The following NCOA1 variants were observed in gnomAD, a reference collection of about 807,000 sequenced individuals.
NCOA1 encodes nuclear receptor coactivator 1.
In NCOA1, 35 loss-of-function variants were observed where a neutral mutation model predicts 150.9. That is an observed-to-expected ratio of 0.23 (90% confidence interval 0.18 to 0.31). The LOEUF is 0.31. Among genes scored for constraint, NCOA1 ranks in the 10% least tolerant of loss-of-function variants. The pLI, the probability that NCOA1 is intolerant of heterozygous loss-of-function variation, is 1.00. For synonymous variants in NCOA1, 590 were observed against 630.0 expected (o/e 0.94, Z 0.95); for missense variants, 1,491 against 1,749.3 (o/e 0.85, Z 2.63).
intron 1 of NCOA1, among the ~76,000 whole-genome samples, chr2:24,511,640 G>T (rs2148108985): frequency 6.6e-6 from 1 of 151,498 alleles, no homozygotes; most frequent in East Asian, 1.9e-4. Context: ...TCAGATATAT[G>T]ATTTGCAAAT....
chr2:24,734,632 C>A (rs74717301), intron 17 of NCOA1, among the ~76,000 whole-genome samples: 10,723 of 151,676 alleles, frequency 0.071, 508 homozygotes, highest in East Asian at 0.12. Context: ...CTGTCTCTAC[C>A]AAAAATAAAA....
At chr2:24,531,874 G>A (rs1197312729) in intron 1 of NCOA1, among the ~76,000 whole-genome samples, 1 of 152,140 alleles carries the variant, frequency 6.6e-6, no homozygotes, top group Non-Finnish European at 1.5e-5. Flanking sequence ...CATTCGGGTT[G>A]GTTCCAAGTC....
At chr2:24,568,413 C>G (rs1400298986) in intron 2 of NCOA1, among the ~76,000 whole-genome samples, 1 of 152,170 alleles carries the variant, frequency 6.6e-6, no homozygotes, top group Non-Finnish European at 1.5e-5. Context: ...ATATTCCCTG[C>G]TACAGTTTTT....
intron 2 of NCOA1, among the ~76,000 whole-genome samples, chr2:24,581,370 T>C (rs1283760951): frequency 6.6e-6 from 1 of 152,210 alleles, no homozygotes; most frequent in East Asian, 1.9e-4. Context: ...GTGGGGAGAA[T>C]TGAGTGCCTT....
intron 1 of NCOA1, among the ~76,000 whole-genome samples, chr2:24,531,651 C>T (rs1664907148): frequency 6.6e-6 from 1 of 152,138 alleles, no homozygotes; most frequent in African/African-American, 2.4e-5. Context: ...GTGTCCTGCC[C>T]TGTGTCCAAG....
intron 12 of NCOA1, 108 bp from the exon 13 acceptor site, chr2:24,706,460 C>A: frequency 8.0e-7 from 1 of 1,250,626 alleles, no homozygotes; most frequent in Non-Finnish European, 1.1e-6. Flanking sequence ...TACTTGATAG[C>A]TTGCAATATT....
At position 24,751,844 on chromosome 2, in the gene NCOA1, T is replaced by C. The variant is rs998012692; in HGVS notation, c.3707-138T>C. ...CTCTGTTGAATGCGATATTTGTAAA[T>C]ATATTGCCTGACACAAGACAAGGCA... is the stretch of plus-strand genomic sequence containing the variant. On this transcript the variant is annotated intron_variant, in intron 19 of 22. Transcript: ENST00000348332. The C allele has an allele frequency of 8.4e-6, 7 of 832,496 alleles. No homozygotes were observed. The African/African-American group carries it at 1.0e-4, about 12-fold the overall frequency. The allele number at this position is 832,496 out of a possible 1,614,324, so 51.6% of individuals were successfully genotyped here. A position where few individuals can be genotyped will look rare whatever the true frequency, so the allele number is the denominator to read the frequency against.
rs757458404 is a variant in NCOA1 at position 24,576,417 on chromosome 2, A to G, written c.-259-8059A>G. 1.7e-4 allele frequency among the ~76,000 whole-genome samples: 26 copies of G among 151,908 alleles called. 1 individual carries two copies. Among genetic ancestry groups the G allele is most frequent in the Admixed American group, 6.6e-5 (1 of 15,260 alleles). The stretch of plus-strand genomic sequence containing the variant: ...GACTGTAAGGTTCTGTTTAAGCCCC[A>G]TCTCCCTTCTTTACACTACATCCTG... On this transcript the variant is annotated intron_variant, in intron 2 of 22. Coordinates refer to ENST00000348332, the MANE Select transcript of NCOA1 (RefSeq NM_003743.5).
chr2:24,549,614 T>G lies in NCOA1; in HGVS notation c.-395-14681T>G, dbSNP rs181228246. ...CAGAGTCTCACTCTGTCACCCAGGC[T>G]GGAGTGCAGTGGCGCAATCTGGGCT... On this transcript the variant is annotated intron_variant, in intron 1 of 22. Transcript: ENST00000348332. Among the ~76,000 whole-genome samples the G allele has an allele frequency of 3.6e-3, 544 of 152,346 alleles. 2 individuals carry two copies. Among genetic ancestry groups the G allele is most frequent in the Admixed American group, 6.5e-3 (100 of 15,304 alleles).
intron 17 of NCOA1, among the ~76,000 whole-genome samples, chr2:24,739,052 T>C (rs1663470976): frequency 1.3e-5 from 2 of 152,206 alleles, no homozygotes; most frequent in African/African-American, 2.4e-5. Flanking sequence ...TACCTGCTTT[T>C]ACATTTATAA....
At chr2:24,754,391 C>A (rs143223168) in intron 20 of NCOA1, among the ~76,000 whole-genome samples, 1 of 152,150 alleles carries the variant, frequency 6.6e-6, no homozygotes, top group African/African-American at 2.4e-5. Flanking sequence ...TTATTCTCAC[C>A]GCTCACTCTG....
intron 1 of NCOA1, among the ~76,000 whole-genome samples, chr2:24,528,521 ATT>A (rs905508691): frequency 6.6e-6 from 1 of 150,546 alleles, no homozygotes; most frequent in Admixed American, 6.6e-5. Context: ...TAATTTTTGT[ATT>A]TTTTTGTAGA....
At chr2:24,558,427 A>G (rs1364231759) in intron 1 of NCOA1, among the ~76,000 whole-genome samples, 1 of 152,174 alleles carries the variant, frequency 6.6e-6, no homozygotes, top group Non-Finnish European at 1.5e-5. Context: ...GGGAGGTGAA[A>G]GGCACTTCTG....
Position 24,683,031 on chromosome 2 carries a change from T to A in NCOA1, c.435T>A (p.Gly145=), listed in dbSNP as rs1241204582. Residue 145 remains glycine, a synonymous_variant, in exon 8 of 23, where the codon GGT becomes GGA. Transcript: ENST00000348332. ...FVSENVTSYL[G]YNQEELMNTS... The stretch of plus-strand genomic sequence containing the variant: ...CAGAGAATGTAACCAGCTACTTAGG[T>A]TACAATCAGGAGGAATTAATGAATA... The A allele has an allele frequency of 3.1e-6, 5 of 1,609,822 alleles. No homozygotes were observed. Among genetic ancestry groups the A allele is most frequent in the Non-Finnish European group, 3.4e-6 (4 of 1,178,392 alleles).
chr2:24,541,249 TGAA>T (rs955354570), intron 1 of NCOA1, among the ~76,000 whole-genome samples: 20 of 152,176 alleles, frequency 1.3e-4, no homozygotes, highest in African/African-American at 4.8e-4. Context: ...AGAGCTACGT[TGAA>T]GAAGGGGAGC....
intron 21 of NCOA1, among the ~76,000 whole-genome samples, chr2:24,762,225 C>T (rs1572696081): frequency 6.6e-6 from 1 of 152,336 alleles, no homozygotes; most frequent in East Asian, 1.9e-4. Context: ...TGTCTAATGT[C>T]TTCAGTGCCT....
At chr2:24,746,197 C>G (rs1038145513) in intron 19 of NCOA1, among the ~76,000 whole-genome samples, 1 of 152,224 alleles carries the variant, frequency 6.6e-6, no homozygotes, top group Non-Finnish European at 1.5e-5. Context: ...CTAGTTGCCA[C>G]TGTCACATGT....
intron 1 of NCOA1, among the ~76,000 whole-genome samples, chr2:24,492,922 T>G (rs965532744): frequency 6.6e-6 from 1 of 151,406 alleles, no homozygotes; most frequent in Non-Finnish European, 1.5e-5. Flanking sequence ...TTAAATTTGT[T>G]TGAGGTTTGT....
At chr2:24,566,781 ACCC>A (rs1359028890) in intron 2 of NCOA1, among the ~76,000 whole-genome samples, 2 of 152,194 alleles carry the variant, frequency 1.3e-5, no homozygotes, top group African/African-American at 4.8e-5. Context: ...GTTGGCACCC[ACCC>A]AGCTGGGTTG....
Sources: allele counts gnomAD v4.1 joint callset (sites outside exome capture counted in the v4.1 genomes callset), GRCh38; gene constraint gnomAD v4.1.1; transcripts MANE v1.5; gene names NCBI Gene and HGNC (gene_info 2026-07-23, HGNC 2026-07-21).